TNRC6B: variants seen among roughly 807,000 people sequenced by gnomAD.
TNRC6B encodes the protein trinucleotide repeat containing adaptor 6B, also known as trinucleotide repeat-containing gene 6B protein.
In TNRC6B, 52 loss-of-function variants were observed where a neutral mutation model predicts 203.6. The observed-to-expected ratio is 0.26, with a 90% CI of 0.20 to 0.32. The LOEUF is 0.32. TNRC6B is among the 10% of genes least tolerant of loss of function. The pLI is 1.00. For synonymous variants in TNRC6B, 838 were observed against 845.7 expected (o/e 0.99, Z 0.16); for missense variants, 1,923 against 2,286.2 (o/e 0.84, Z 3.24).
rs557258860 is a variant in TNRC6B at position 40,107,039 on chromosome 22, C to G, written c.-120-10016C>G. ...GGATTTCTGGCACAGCAGGAACCTT[C>G]TTCTTCTTCTTTTCTACACCCTCCG... On this transcript the variant is annotated intron_variant, in intron 1 of 23. Coordinates refer to the TNRC6B transcript ENST00000301923. The G allele has an allele frequency of 4.1e-6, 4 of 971,648 alleles. No individual in the cohort carries two copies. In the East Asian group the frequency reaches 9.5e-5, roughly 23 times the overall value. The allele number at this position is 971,648 out of a possible 1,614,324, so 60.2% of individuals were successfully genotyped here.
intron 1 of TNRC6B, among the ~76,000 whole-genome samples, chr22:40,094,897 C>T (rs1304297193): frequency 6.6e-6 from 1 of 152,040 alleles, no homozygotes; most frequent in African/African-American, 2.4e-5. Context: ...TTGCTAATTT[C>T]GTATGAGGCT....
At chr22:40,189,625 A>G (rs1328765317) in intron 1 of TNRC6B, among the ~76,000 whole-genome samples, 3 of 152,166 alleles carry the variant, frequency 2.0e-5, no homozygotes, top group African/African-American at 4.8e-5. Flanking sequence ...ATGTGTATAT[A>G]AAATCTTCAA....
At chr22:40,173,697 A>C (rs1450733918), upstream of TNRC6B, among the ~76,000 whole-genome samples, 1 of 146,644 alleles carries the variant, frequency 6.8e-6, no homozygotes, top group East Asian at 2.0e-4. Flanking sequence ...TACAGGCATG[A>C]GTCAACACCA....
At chr22:40,254,579 A>T (rs1308847036) in intron 3 of TNRC6B, among the ~76,000 whole-genome samples, 1 of 152,212 alleles carries the variant, frequency 6.6e-6, no homozygotes, top group African/African-American at 2.4e-5. Context: ...GTTTATCAGC[A>T]TAAGATGATC....
intron 4 of TNRC6B, among the ~76,000 whole-genome samples, chr22:40,157,692 A>G (rs1601848091): frequency 6.6e-6 from 1 of 152,204 alleles, no homozygotes; most frequent in African/African-American, 2.4e-5. Context: ...GACAAGAGAA[A>G]CACTTCAGGT....
intron 1 of TNRC6B, among the ~76,000 whole-genome samples, chr22:40,229,838 C>T (rs2069842764): frequency 6.6e-6 from 1 of 152,042 alleles, no homozygotes. Context: ...TATATTCCAC[C>T]TTAATTTGTT....
At chr22:40,054,929 C>T (rs554306792) in intron 1 of TNRC6B, among the ~76,000 whole-genome samples, 19 of 151,752 alleles carry the variant, frequency 1.3e-4, no homozygotes, top group African/African-American at 3.9e-4. Flanking sequence ...CCCAGCTACT[C>T]GGGAGGCTGA....
chr22:40,244,719 C>T (rs375980578), intron 1 of TNRC6B, among the ~76,000 whole-genome samples: 6 of 152,224 alleles, frequency 3.9e-5, no homozygotes, highest in East Asian at 1.9e-4. Flanking sequence ...GTTATCTGTT[C>T]GGTATTCTGA....
At chr22:40,151,674 G>A (rs2068756819) in intron 3 of TNRC6B, among the ~76,000 whole-genome samples, 1 of 151,560 alleles carries the variant, frequency 6.6e-6, no homozygotes. Flanking sequence ...ACGAGGAAGA[G>A]CTCTTAAAAA....
chr22:40,166,314 TAAAA>T (rs955941798), intron 4 of TNRC6B, among the ~76,000 whole-genome samples: 1 of 151,994 alleles, frequency 6.6e-6, no homozygotes, highest in Non-Finnish European at 1.5e-5. Context: ...AATGGCAACT[TAAAA>T]AAATTAACAA....
At chr22:40,084,020 G>T (rs2146291388) in intron 1 of TNRC6B, among the ~76,000 whole-genome samples, 1 of 152,210 alleles carries the variant, frequency 6.6e-6, no homozygotes, top group East Asian at 1.9e-4. Context: ...TTTAATTTAT[G>T]GTAAACCTGC....
intron 1 of TNRC6B, among the ~76,000 whole-genome samples, chr22:40,212,789 A>G (rs1451215996): frequency 2.0e-5 from 3 of 152,036 alleles, no homozygotes; most frequent in Non-Finnish European, 4.4e-5. Context: ...CCTGGGATTA[A>G]TAGGCACGTG....
At chr22:40,119,003 T>C (rs2068417814) in intron 2 of TNRC6B, among the ~76,000 whole-genome samples, 2 of 152,160 alleles carry the variant, frequency 1.3e-5, no homozygotes, top group South Asian at 4.1e-4. Context: ...CTGTAAGATG[T>C]TCATTACGGC....
intron 6 of TNRC6B, among the ~76,000 whole-genome samples, chr22:40,271,824 G>A (rs2070567130): frequency 6.6e-6 from 1 of 152,178 alleles, no homozygotes; most frequent in Non-Finnish European, 1.5e-5. Context: ...AGTTAAATGT[G>A]TAATGTGCGG....
chr22:40,116,173 A>G (rs1392106540), intron 1 of TNRC6B, among the ~76,000 whole-genome samples: 4 of 152,206 alleles, frequency 2.6e-5, no homozygotes, highest in African/African-American at 9.7e-5. Flanking sequence ...TGTCTTGGAC[A>G]GAAGTATTGG....
chr22:40,214,942 C>T (rs1454417592), intron 1 of TNRC6B, among the ~76,000 whole-genome samples: 1 of 152,062 alleles, frequency 6.6e-6, no homozygotes, highest in Non-Finnish European at 1.5e-5. Context: ...AGCAGGTCTC[C>T]CTTGGTGCTC....
intron 1 of TNRC6B, 148 bp from the exon 2 acceptor site, chr22:40,245,867 A>G (rs1322731062): frequency 2.2e-6 from 1 of 455,182 alleles, no homozygotes; most frequent in Non-Finnish European, 3.9e-6. Flanking sequence ...AGTTTTATGG[A>G]TCCTTTTGAT....
At position 40,332,188 on chromosome 22, in the gene TNRC6B, CT is replaced by C. The variant is rs2043989452; in HGVS notation, c.*8950del. 2.0e-5 allele frequency: 3 copies of C among 152,698 alleles called. No individual in the cohort carries two copies. The highest frequency in any genetic ancestry group is 4.8e-5 in the African/African-American group (2 of 41,558). 9.5% of individuals were successfully genotyped at this position (152,698 alleles called of 1,614,324 possible). A position where few individuals can be genotyped will look rare whatever the true frequency, so the allele number is the denominator to read the frequency against. ...GCCTCCTCTCTCCTTTTTAATATTT[CT>C]TTCTTCCTTTTTAATCATGTTTAAG... On this transcript the variant is annotated 3_prime_UTR_variant, in exon 23 of 23. Coordinates refer to ENST00000454349, the MANE Select transcript of TNRC6B (RefSeq NM_001162501.2).
chr22:40,157,738 C>G (rs903480036), intron 4 of TNRC6B, among the ~76,000 whole-genome samples: 4 of 152,160 alleles, frequency 2.6e-5, no homozygotes, highest in Admixed American at 2.6e-4. Flanking sequence ...CCCTCCACCC[C>G]CACACTCTGG....
Sources: allele counts gnomAD v4.1 joint callset (sites outside exome capture counted in the v4.1 genomes callset), GRCh38; gene constraint gnomAD v4.1.1; transcripts MANE v1.5; gene names NCBI Gene and HGNC (gene_info 2026-07-23, HGNC 2026-07-21).